Variants in CSMD1 observed in about 807,000 individuals in gnomAD.
The protein encoded by CSMD1 is CUB and Sushi multiple domains 1, also known as CUB and sushi domain-containing protein 1.
A neutral mutation model predicts 417.5 loss-of-function variants in CSMD1; 213 were observed. The ratio of observed to expected loss-of-function variants is 0.51; its 90% confidence interval spans 0.46 to 0.57. CSMD1 has a LOEUF of 0.57. CSMD1 is among the 20% of genes least tolerant of loss of function. The pLI is 0.00. For synonymous variants in CSMD1, 2,862 were observed against 1,736.8 expected (o/e 1.65, Z -16.11); for missense variants, 6,923 against 4,529.7 (o/e 1.53, Z -15.17).
chr8:4,040,237 T>C (rs1199928423), intron 3 of CSMD1, among the ~76,000 whole-genome samples: 1 of 152,242 alleles, frequency 6.6e-6, no homozygotes, highest in Non-Finnish European at 1.5e-5. Flanking sequence ...TTCCACTTCA[T>C]TATTTCTGCC....
intron 3 of CSMD1, among the ~76,000 whole-genome samples, chr8:4,195,954 G>A (rs533018051): frequency 1.3e-5 from 2 of 152,212 alleles, no homozygotes; most frequent in South Asian, 2.1e-4. Context: ...GCTCACGCCT[G>A]TAATCCCAAC....
At chr8:4,205,963 A>G (rs1799954589) in intron 3 of CSMD1, among the ~76,000 whole-genome samples, 2 of 152,072 alleles carry the variant, frequency 1.3e-5, no homozygotes, top group Admixed American at 1.3e-4. Context: ...CTTCTTTTTC[A>G]CACGTTTCCA....
At chr8:3,440,618 T>C (rs1585168656) in intron 12 of CSMD1, among the ~76,000 whole-genome samples, 1 of 152,200 alleles carries the variant, frequency 6.6e-6, no homozygotes, top group Non-Finnish European at 1.5e-5. Context: ...TGTTTTTCTT[T>C]GCAATCTGTA....
At chr8:4,833,358 C>T (rs1800263927) in intron 1 of CSMD1, among the ~76,000 whole-genome samples, 1 of 152,248 alleles carries the variant, frequency 6.6e-6, no homozygotes, top group East Asian at 1.9e-4. Context: ...GGAGGAAGTG[C>T]TACACACTTT....
chr8:4,012,724 C>A (rs1585130763), intron 4 of CSMD1, among the ~76,000 whole-genome samples: 1 of 152,158 alleles, frequency 6.6e-6, no homozygotes, highest in African/African-American at 2.4e-5. Context: ...AAATAGCAAT[C>A]CAGACTAACT....
At chr8:4,486,415 T>G (rs1409132981) in intron 2 of CSMD1, among the ~76,000 whole-genome samples, 1 of 151,098 alleles carries the variant, frequency 6.6e-6, no homozygotes, top group Non-Finnish European at 1.5e-5. Context: ...ATAACATGAT[T>G]TATATTTAAT....
At chr8:3,048,661 C>G (rs147546264) in intron 50 of CSMD1, among the ~76,000 whole-genome samples, 2 of 152,058 alleles carry the variant, frequency 1.3e-5, no homozygotes, top group Admixed American at 1.3e-4. Context: ...AATTGTGGTG[C>G]CCTTGGGTTT....
At chr8:3,227,900 TG>T (rs1441576967) in intron 27 of CSMD1, among the ~76,000 whole-genome samples, 1 of 152,012 alleles carries the variant, frequency 6.6e-6, no homozygotes, top group Admixed American at 6.5e-5. Context: ...CCCAAGTAGC[TG>T]GGATCACAGG....
At chr8:3,248,953 A>T (rs529109202) in intron 26 of CSMD1, among the ~76,000 whole-genome samples, 1 of 151,638 alleles carries the variant, frequency 6.6e-6, no homozygotes, top group Non-Finnish European at 1.5e-5. Context: ...TGTTCCCCGC[A>T]CTCCACCTCG....
At chr8:4,007,382 G>T (rs577128129) in intron 4 of CSMD1, among the ~76,000 whole-genome samples, 1 of 152,108 alleles carries the variant, frequency 6.6e-6, no homozygotes, top group African/African-American at 2.4e-5. Context: ...ACTGCTTCCT[G>T]GGGCCAGGGC....
In CSMD1 at chr8:3,844,023, G is replaced by T. The variant is rs575442424; in HGVS notation, c.819-89981C>A. On this transcript the variant is annotated intron_variant, in intron 5 of 69. Transcript: ENST00000635120. Reference sequence around the variant, plus strand: ...CCAGCACTGATAATATGTAGTCATTGTTATTACAATGGCACAATGTTAATA... The same window carrying T: ...CCAGCACTGATAATATGTAGTCATTTTTATTACAATGGCACAATGTTAATA... Among the ~76,000 whole-genome samples the T allele has an allele frequency of 5.9e-5, 9 of 152,264 alleles. No homozygotes were observed. In the East Asian group the frequency reaches 1.5e-3, roughly 26 times the overall value.
At chr8:4,412,918 A>T (rs1023108119) in intron 3 of CSMD1, among the ~76,000 whole-genome samples, 1 of 152,232 alleles carries the variant, frequency 6.6e-6, no homozygotes, top group South Asian at 2.1e-4. Flanking sequence ...CAATCAGATA[A>T]AAGAAAAGTT....
At chr8:4,074,128 T>C (rs189744643) in intron 3 of CSMD1, among the ~76,000 whole-genome samples, 1 of 152,208 alleles carries the variant, frequency 6.6e-6, no homozygotes, top group East Asian at 1.9e-4. Context: ...TTTAAGTTGA[T>C]CATGCTCTCC....
At chr8:3,604,778 T>C (rs1801529837) in intron 8 of CSMD1, among the ~76,000 whole-genome samples, 1 of 152,118 alleles carries the variant, frequency 6.6e-6, no homozygotes, top group Non-Finnish European at 1.5e-5. Context: ...TGTGCAGTTT[T>C]ATTGCTTGTG....
At chr8:3,431,300 C>G (rs912710626) in intron 12 of CSMD1, among the ~76,000 whole-genome samples, 2 of 152,154 alleles carry the variant, frequency 1.3e-5, no homozygotes, top group African/African-American at 2.4e-5. Context: ...CTAATCTTGT[C>G]TAACCCTGCA....
intron 3 of CSMD1, among the ~76,000 whole-genome samples, chr8:4,099,695 C>G (rs554744564): frequency 2.6e-5 from 4 of 151,998 alleles, no homozygotes; most frequent in Admixed American, 6.6e-5. Context: ...CAAACAAAAC[C>G]TCTTCTTTTC....
intron 3 of CSMD1, among the ~76,000 whole-genome samples, chr8:4,412,547 G>C (rs997611970): frequency 3.9e-5 from 6 of 152,050 alleles, no homozygotes; most frequent in African/African-American, 1.2e-4. Flanking sequence ...CCAGTCTCCG[G>C]TATTTCTTTA....
At position 4,573,562 on chromosome 8, in the gene CSMD1, C is replaced by A. The variant is rs147969536; in HGVS notation, c.302+63780G>T. Among the ~76,000 whole-genome samples the A allele has an allele frequency of 5.9e-3, 901 of 152,228 alleles. 12 individuals carry two copies. Among genetic ancestry groups the A allele is most frequent in the African/African-American group, 0.021 (868 of 41,536 alleles). On this transcript the variant is annotated intron_variant, in intron 2 of 69. Transcript: ENST00000635120. The stretch of plus-strand genomic sequence containing the variant: ...TCCTGTATGAGATGTCTGTTGATCC[C>A]TGCTGGGAGGTGTCTCCCAGTCAGG...
chr8:3,230,557 A>G (rs1003841020), intron 26 of CSMD1, among the ~76,000 whole-genome samples: 1 of 152,176 alleles, frequency 6.6e-6, no homozygotes, highest in Non-Finnish European at 1.5e-5. Flanking sequence ...CTCTTCAGCA[A>G]TATTTTAATG....
Sources: gnomAD v4.1 joint callset for allele counts (sites outside exome capture counted in the v4.1 genomes callset) on GRCh38, gnomAD v4.1.1 for gene constraint, MANE v1.5 for transcripts, NCBI Gene and HGNC (gene_info 2026-07-23, HGNC 2026-07-21) for gene names.